The following ZYG11B variants were observed in gnomAD, a reference collection of about 807,000 sequenced individuals.
ZYG11B encodes zyg-11 family member B, cell cycle regulator, also known as protein zyg-11 homolog B.
ZYG11B carries 36 observed loss-of-function variants against 82.4 expected under a neutral mutation model. The observed-to-expected ratio is 0.44, with a 90% CI of 0.33 to 0.58. The LOEUF is 0.58. Ranked by LOEUF, ZYG11B falls within the 20% of genes least tolerant of loss-of-function variation. The pLI, the probability that ZYG11B is intolerant of heterozygous loss-of-function variation, is 0.02. For missense variants in ZYG11B, 552 were observed against 895.6 expected, an observed-to-expected ratio of 0.62 and a Z score of 4.90; for synonymous variants, 303 against 312.8, an observed-to-expected ratio of 0.97 and a Z score of 0.33.
intron 3 of ZYG11B, among the ~76,000 whole-genome samples, chr1:52,773,153 T>G (rs553597810): frequency 3.3e-5 from 5 of 152,102 alleles, no homozygotes; most frequent in African/African-American, 1.2e-4. Flanking sequence ...CAAACATCAG[T>G]TGGATTTGGT....
Position 52,771,732 on chromosome 1 carries a change from T to C in ZYG11B, c.909T>C (p.Asp303=), listed in dbSNP as rs1171724754. 3.0e-5 allele frequency: 49 copies of C among 1,613,646 alleles called. No individual in the cohort carries two copies. The highest frequency in any genetic ancestry group is 4.1e-5 in the Non-Finnish European group (48 of 1,179,690). Residue 303 remains aspartate (D), a synonymous_variant, in exon 3 of 14, where the codon GAT becomes GAC. Coordinates refer to ENST00000294353, the MANE Select transcript of ZYG11B (RefSeq NM_024646.3). The surrounding 1 kb of genome is among the most constrained non-coding windows in gnomAD (Gnocchi z 5.4). The part of the protein sequence containing the change: ...SMQFVGLLAT[D]AGYSEFLTGE... Reference sequence around the variant, plus strand: ...AATTTGTAGGTTTGCTGGCTACTGATGCTGGTTACTCTGAATTCCTCACAG... The same window carrying C: ...AATTTGTAGGTTTGCTGGCTACTGACGCTGGTTACTCTGAATTCCTCACAG...
chr1:52,775,136 G>T (rs1479338063), intron 3 of ZYG11B, among the ~76,000 whole-genome samples: 2 of 146,622 alleles, frequency 1.4e-5, no homozygotes, highest in Non-Finnish European at 3.0e-5. Flanking sequence ...TCCTTTGTTG[G>T]TTCTTCCTCA....
intron 13 of ZYG11B, among the ~76,000 whole-genome samples, chr1:52,820,526 T>C (rs1003995828): frequency 1.3e-5 from 2 of 151,342 alleles, no homozygotes; most frequent in Admixed American, 1.3e-4. Flanking sequence ...CTGGTGCCTA[T>C]AGTCCCAGCT....
chr1:52,753,952 A>G (rs1644548793), intron 1 of ZYG11B, among the ~76,000 whole-genome samples: 1 of 151,798 alleles, frequency 6.6e-6, no homozygotes, highest in Non-Finnish European at 1.5e-5. Flanking sequence ...GCTGGTCTCG[A>G]ACTCCTGACC....
chr1:52,734,822 G>A (rs1482579750), intron 1 of ZYG11B, among the ~76,000 whole-genome samples: 3 of 151,786 alleles, frequency 2.0e-5, no homozygotes, highest in Non-Finnish European at 2.9e-5. Context: ...TCCACCTCCC[G>A]GGTTCAAACG....
At chr1:52,817,432 C>T (rs1191756921) in intron 13 of ZYG11B, among the ~76,000 whole-genome samples, 1 of 152,004 alleles carries the variant, frequency 6.6e-6, no homozygotes, top group Non-Finnish European at 1.5e-5. Flanking sequence ...GTCTCTATCA[C>T]TGGAGCTGGA....
At chr1:52,751,923 A>G (rs187485684) in intron 1 of ZYG11B, among the ~76,000 whole-genome samples, 24 of 151,572 alleles carry the variant, frequency 1.6e-4, no homozygotes, top group African/African-American at 4.8e-4. Context: ...GTTTTCTCCT[A>G]CTGTACTCTC....
chr1:52,777,202 C>T (rs941050735), intron 3 of ZYG11B, among the ~76,000 whole-genome samples: 64 of 151,010 alleles, frequency 4.2e-4, no homozygotes, highest in Admixed American at 9.9e-4. Context: ...AGAGCAAGAC[C>T]GTATCTCAAA....
intron 6 of ZYG11B, 59 bp from the exon 7 acceptor site, chr1:52,796,233 C>G: frequency 7.5e-7 from 1 of 1,333,904 alleles, no homozygotes; most frequent in East Asian, 2.3e-5. Flanking sequence ...CTAGCTGGAA[C>G]TCTGAAATTG....
Position 52,771,294 on chromosome 1 carries a change from C to T in ZYG11B, c.471C>T (p.Cys157=). 6.2e-7 allele frequency: 1 copy of T among 1,614,230 alleles called. No homozygotes were observed. The highest frequency in any genetic ancestry group is 8.5e-7 in the Non-Finnish European group (1 of 1,180,044). ...TLSLEDPYER[C]FSRLSGLRAL... ...CCCTCGAGGATCCTTACGAGCGCTGCTTCAGCCGGCTTTCTGGCCTTCGAG... is the reference window on the plus strand; with the variant it reads ...CCCTCGAGGATCCTTACGAGCGCTGTTTCAGCCGGCTTTCTGGCCTTCGAG... The change falls in exon 3 of 14, where the codon TGC becomes TGT. Residue 157 remains cysteine, a synonymous_variant. Coordinates refer to ENST00000294353, the MANE Select transcript of ZYG11B (RefSeq NM_024646.3). This position sits in a 1 kb window ranked among gnomAD's most constrained non-coding sequence, Gnocchi z 5.4.
At chr1:52,727,147 C>G (rs1364658503) in intron 1 of ZYG11B, among the ~76,000 whole-genome samples, 1 of 152,060 alleles carries the variant, frequency 6.6e-6, no homozygotes, top group Non-Finnish European at 1.5e-5. Context: ...TGTTCCTTCT[C>G]CCCTTCGTCC....
At chr1:52,729,409 C>T (rs949407150) in intron 1 of ZYG11B, among the ~76,000 whole-genome samples, 12 of 152,168 alleles carry the variant, frequency 7.9e-5, no homozygotes, top group Admixed American at 7.2e-4. Flanking sequence ...CTTGTTAAAA[C>T]ATATACACAC....
Position 52,803,203 on chromosome 1 carries a change from TACACAC to T in ZYG11B, c.1695+1068_1695+1073del, listed in dbSNP as rs1186109870. On this transcript the variant is annotated intron_variant, in intron 10 of 13. Coordinates refer to ENST00000294353, the MANE Select transcript of ZYG11B (RefSeq NM_024646.3). ...ATATATATATACACATATATATATA[TACACAC>T]ACATATATATATATACACACATATA... is the stretch of plus-strand genomic sequence containing the variant. Among the ~76,000 whole-genome samples the T allele has an allele frequency of 1.3e-3, 112 of 83,326 alleles. 3 individuals are homozygous for T. Among genetic ancestry groups the T allele is most frequent in the Non-Finnish European group, 1.8e-3 (96 of 52,240 alleles). The allele number at this position is 83,326 out of a possible 152,430, so 54.7% of individuals were successfully genotyped here.
intron 1 of ZYG11B, among the ~76,000 whole-genome samples, chr1:52,752,194 C>T (rs201692503): frequency 1.3e-5 from 2 of 152,146 alleles, no homozygotes; most frequent in East Asian, 3.9e-4. Flanking sequence ...CCCACACCTC[C>T]CTCCCTGGGT....
intron 2 of ZYG11B, among the ~76,000 whole-genome samples, chr1:52,768,813 C>T (rs1305946396): frequency 2.0e-5 from 3 of 152,022 alleles, no homozygotes; most frequent in Non-Finnish European, 2.9e-5. Context: ...AGGCTGGTCT[C>T]GAATTCCTGG....
chr1:52,745,589 G>A (rs1050214149), intron 1 of ZYG11B, among the ~76,000 whole-genome samples: 1 of 152,094 alleles, frequency 6.6e-6, no homozygotes, highest in African/African-American at 2.4e-5. Context: ...GTTTGTTATG[G>A]AGTCTCACTC....
intron 10 of ZYG11B, chr1:52,805,553 T>C (rs487453): frequency 0.46 from 208,381 of 453,172 alleles, 49,553 homozygotes; most frequent in East Asian, 0.63. Flanking sequence ...ATTTGTGGGT[T>C]GGGTGCAGTG....
intron 1 of ZYG11B, among the ~76,000 whole-genome samples, chr1:52,729,847 C>T (rs1262409905): frequency 2.6e-5 from 4 of 151,974 alleles, no homozygotes; most frequent in African/African-American, 9.7e-5. Context: ...CTTGCTCTGT[C>T]CCTAAGCTGA....
rs1165031214 is a variant in ZYG11B at position 52,776,219 on chromosome 1, T to TAA, written c.952-3624_952-3623dup. ...GAACAACAAGAGCAAAACTCTGTCT[T>TAA]AAAAAAAAAAATATATATATATATA... On this transcript the variant is annotated intron_variant, in intron 3 of 13. Transcript: ENST00000294353. Among the ~76,000 whole-genome samples, 112 of 42,490 alleles carry TAA rather than the reference T, an allele frequency of 2.6e-3. 15 individuals carry two copies. The highest frequency in any genetic ancestry group is 2.4e-3 in the South Asian group (3 of 1,226). The allele number at this position is 42,490 out of a possible 152,430, so 27.9% of individuals were successfully genotyped here. A position where few individuals can be genotyped will look rare whatever the true frequency, so the allele number is the denominator to read the frequency against.
Sources: allele counts gnomAD v4.1 joint callset (sites outside exome capture counted in the v4.1 genomes callset), GRCh38; gene constraint gnomAD v4.1.1; non-coding constraint Gnocchi (gnomAD v3.1); transcripts MANE v1.5; gene names NCBI Gene and HGNC (gene_info 2026-07-23, HGNC 2026-07-21).